The following PRKAR2A variants were observed in gnomAD, a reference collection of about 807,000 sequenced individuals.
PRKAR2A encodes the protein protein kinase cAMP-dependent type II regulatory subunit alpha, also known as cAMP-dependent protein kinase type II-alpha regulatory subunit.
A neutral mutation model predicts 51.9 loss-of-function variants in PRKAR2A; 29 were observed. That is an observed-to-expected ratio of 0.56 (90% CI 0.42 to 0.76). The LOEUF is 0.76. Ranked by LOEUF, PRKAR2A falls within the 30% of genes least tolerant of loss-of-function variation. PRKAR2A has a pLI of 0.00. For missense variants in PRKAR2A, 445 were observed against 512.1 expected, an observed-to-expected ratio of 0.87 and a Z score of 1.26; for synonymous variants, 178 against 186.2, an observed-to-expected ratio of 0.96 and a Z score of 0.36.
chr3:48,796,427 T>C (rs1303467323), intron 2 of PRKAR2A, among the ~76,000 whole-genome samples: 1 of 152,176 alleles, frequency 6.6e-6, no homozygotes, highest in Admixed American at 6.6e-5. Flanking sequence ...CAACTGTCCT[T>C]TCTTCCCAGC....
At chr3:48,794,154 C>A (rs1231765159) in intron 2 of PRKAR2A, 105 bp from the exon 3 acceptor site, 8 of 662,752 alleles carry the variant, frequency 1.2e-5, no homozygotes, top group Admixed American at 6.8e-5. Flanking sequence ...GTTTTCTTTT[C>A]TTTTTTTTTT....
intron 2 of PRKAR2A, among the ~76,000 whole-genome samples, chr3:48,796,527 C>T (rs1442514775): frequency 1.3e-5 from 2 of 152,134 alleles, no homozygotes; most frequent in Non-Finnish European, 2.9e-5. Context: ...CAGAGCTTCA[C>T]GCTGTCACCC....
At chr3:48,755,764 G>A (rs1233549676) in intron 9 of PRKAR2A, among the ~76,000 whole-genome samples, 29 of 143,504 alleles carry the variant, frequency 2.0e-4, no homozygotes, top group African/African-American at 6.8e-4. Context: ...GAGACATTGC[G>A]CCCAGCCCCC....
At chr3:48,746,575 A>G (rs2081564613), downstream of PRKAR2A, 1 of 152,142 alleles carries the variant, frequency 6.6e-6, no homozygotes, top group African/African-American at 2.4e-5. Flanking sequence ...ACTGCACCAG[A>G]AAGTCAGACA....
At chr3:48,760,888 A>G (rs1216330440) in intron 8 of PRKAR2A, among the ~76,000 whole-genome samples, 1 of 151,668 alleles carries the variant, frequency 6.6e-6, no homozygotes, top group Non-Finnish European at 1.5e-5. Context: ...TTGGAAGGCT[A>G]AGGGAAGAGT....
intron 1 of PRKAR2A, among the ~76,000 whole-genome samples, chr3:48,833,007 A>C (rs1165771415): frequency 6.6e-6 from 1 of 152,164 alleles, no homozygotes; most frequent in Admixed American, 6.6e-5. Context: ...CCCCAAGTGC[A>C]TTTGATCCTT....
At chr3:48,752,491 G>C (rs1468632836) in intron 9 of PRKAR2A, among the ~76,000 whole-genome samples, 174 bp from the exon 10 acceptor site, 1 of 152,106 alleles carries the variant, frequency 6.6e-6, no homozygotes, top group Non-Finnish European at 1.5e-5. Context: ...TCAGTGGTCT[G>C]GTTTGATCAG....
At chr3:48,759,582 T>TA (rs2081832734) in intron 8 of PRKAR2A, among the ~76,000 whole-genome samples, 1 of 152,076 alleles carries the variant, frequency 6.6e-6, no homozygotes, top group African/African-American at 2.4e-5. Flanking sequence ...AGACAGGGTT[T>TA]CTCCATGTTG....
chr3:48,753,898 TTC>T (rs2081707656), intron 9 of PRKAR2A, among the ~76,000 whole-genome samples: 1 of 43,170 alleles, frequency 2.3e-5, no homozygotes, highest in Non-Finnish European at 4.2e-5. Flanking sequence ...AACTATTGTT[TTC>T]TTTTTTTTTT....
intron 1 of PRKAR2A, among the ~76,000 whole-genome samples, chr3:48,823,094 C>T (rs373671959): frequency 1.3e-5 from 2 of 151,126 alleles, no homozygotes; most frequent in Non-Finnish European, 2.9e-5. Flanking sequence ...AACATAGAGA[C>T]GAGGTCTCAC....
chr3:48,752,523 A>G (rs1320051022), intron 9 of PRKAR2A, among the ~76,000 whole-genome samples: 1 of 152,184 alleles, frequency 6.6e-6, no homozygotes, highest in Non-Finnish European at 1.5e-5. Context: ...TTTTACCTAG[A>G]GCTCGGAGTC....
intron 5 of PRKAR2A, among the ~76,000 whole-genome samples, chr3:48,778,388 C>T (rs2082137236): frequency 6.6e-6 from 1 of 152,132 alleles, no homozygotes; most frequent in African/African-American, 2.4e-5. Context: ...GTGTTATGAT[C>T]ACTGCCCACT....
rs551892499 is a variant in PRKAR2A, at chr3:48,846,254, C to T, written c.262+1081G>A. 2.8e-3 allele frequency among the ~76,000 whole-genome samples: 423 copies of T among 149,074 alleles called. 4 individuals carry two copies. The highest frequency in any genetic ancestry group is 9.9e-3 in the African/African-American group (400 of 40,366). On this transcript the variant is annotated intron_variant, in intron 1 of 10. Coordinates refer to ENST00000265563, the MANE Select transcript of PRKAR2A (RefSeq NM_004157.4). ...TTTTTTGAGACGGAGTTCGCTCTGT[C>T]GCCCAGGCTGGAGTGCAGTGGCATG...
intron 4 of PRKAR2A, among the ~76,000 whole-genome samples, chr3:48,789,553 C>A (rs1320259662): frequency 6.7e-6 from 1 of 148,456 alleles, no homozygotes; most frequent in Non-Finnish European, 1.5e-5. Context: ...TGCAATGGTG[C>A]GATCTCAGCT....
At chr3:48,823,761 G>A (rs1431385334) in intron 1 of PRKAR2A, among the ~76,000 whole-genome samples, 5 of 148,570 alleles carry the variant, frequency 3.4e-5, no homozygotes, top group African/African-American at 1.2e-4. Flanking sequence ...ACTCCAGCCT[G>A]GGCAACAGAG....
chr3:48,799,585 G>A (rs1033317566), intron 2 of PRKAR2A, among the ~76,000 whole-genome samples: 2 of 152,106 alleles, frequency 1.3e-5, no homozygotes, highest in African/African-American at 4.8e-5. Context: ...AGAATATAAG[G>A]ACAAAAATCA....
intron 5 of PRKAR2A, among the ~76,000 whole-genome samples, chr3:48,776,068 T>G (rs1056185241): frequency 6.6e-6 from 1 of 152,006 alleles, no homozygotes; most frequent in South Asian, 2.1e-4. Flanking sequence ...GATCGCATCA[T>G]TGCACTCCAG....
chr3:48,817,356 TA>T (rs2082890557), intron 1 of PRKAR2A, among the ~76,000 whole-genome samples: 1 of 134,652 alleles, frequency 7.4e-6, no homozygotes, highest in African/African-American at 2.7e-5. Flanking sequence ...AATAAATAAA[TA>T]AATAAATAAA....
Position 48,748,081 on chromosome 3 carries a change from G to A in PRKAR2A, c.*3504C>T, listed in dbSNP as rs2081586978. The A allele has an allele frequency of 2.0e-5, 3 of 151,580 alleles. No homozygotes were observed. The highest frequency in any genetic ancestry group is 4.2e-4 in the South Asian group (2 of 4,798). The allele number at this position is 151,580 out of a possible 1,614,324, so 9.4% of individuals were successfully genotyped here. A position where few individuals can be genotyped will look rare whatever the true frequency, so the allele number is the denominator to read the frequency against. Reference sequence around the variant, plus strand: ...TCTAGGGATCCTGTATGCAGTGAGGGTCTGAACTGATGATCCATATGTCAA... The same window carrying A: ...TCTAGGGATCCTGTATGCAGTGAGGATCTGAACTGATGATCCATATGTCAA... On this transcript the variant is annotated 3_prime_UTR_variant, in exon 11 of 11. Transcript: ENST00000265563.
Sources: allele counts gnomAD v4.1 joint callset (sites outside exome capture counted in the v4.1 genomes callset), GRCh38; gene constraint gnomAD v4.1.1; transcripts MANE v1.5; gene names NCBI Gene and HGNC (gene_info 2026-07-23, HGNC 2026-07-21).